The following MLLT1 variants were observed in gnomAD, a reference collection of about 807,000 sequenced individuals.
The protein encoded by MLLT1 is protein ENL.
Under a neutral mutation model 55.1 loss-of-function variants are expected in MLLT1, and 11 were observed. The observed-to-expected ratio is 0.20, with a 90% confidence interval of 0.13 to 0.33. The LOEUF is 0.33. MLLT1 is among the 10% of genes least tolerant of loss of function. The pLI, the probability that MLLT1 is intolerant of heterozygous loss-of-function variation, is 1.00. For synonymous variants in MLLT1, 323 were observed against 320.1 expected (o/e 1.01, Z -0.10); for missense variants, 536 against 760.6 (o/e 0.70, Z 3.47).
chr19:6,239,346 G>A (rs2091093445), intron 3 of MLLT1, among the ~76,000 whole-genome samples: 1 of 152,192 alleles, frequency 6.6e-6, no homozygotes, highest in Non-Finnish European at 1.5e-5. Flanking sequence ...ACGTACGAGG[G>A]GTCACCGAGG....
chr19:6,262,350 C>T lies in MLLT1; in HGVS notation c.194-40G>A. On this transcript the variant is annotated intron_variant, in intron 2 of 11. Transcript: ENST00000252674. This position sits in a 1 kb window ranked among gnomAD's most constrained non-coding sequence, Gnocchi z 4.4. ...AAGAAACACACCCATCAGCCTCCTG[C>T]CTGTTTCAGGCCCAGCTGCCAGCGG... 2.6e-6 allele frequency: 4 copies of T among 1,566,440 alleles called. No individual in the cohort carries two copies. Among genetic ancestry groups the T allele is most frequent in the Non-Finnish European group, 3.5e-6 (4 of 1,139,834 alleles).
At chr19:6,279,586 C>A (rs1232446386) in intron 1 of MLLT1, among the ~76,000 whole-genome samples, 187 bp downstream of exon 1, 4 of 151,442 alleles carry the variant, frequency 2.6e-5, no homozygotes, top group Non-Finnish European at 5.9e-5. Context: ...GTCCGAGGCG[C>A]CCTGGCCGGG....
chr19:6,255,054 C>A (rs2091247393), intron 3 of MLLT1, among the ~76,000 whole-genome samples: 1 of 150,428 alleles, frequency 6.6e-6, no homozygotes, highest in Non-Finnish European at 1.5e-5. Context: ...GATCAATACA[C>A]AAAAATTGTT....
intron 10 of MLLT1, 64 bp from the exon 11 acceptor site, chr19:6,213,472 C>T (rs2090802473): frequency 1.5e-6 from 2 of 1,351,712 alleles, no homozygotes; most frequent in Non-Finnish European, 2.1e-6. Flanking sequence ...CTCCCATGCC[C>T]AGCCCCACCC....
At chr19:6,236,404 G>A (rs954186521) in intron 3 of MLLT1, among the ~76,000 whole-genome samples, 14 of 152,154 alleles carry the variant, frequency 9.2e-5, no homozygotes, top group Non-Finnish European at 2.1e-4. Flanking sequence ...AGCGCACCCC[G>A]GCAGAGGTTC....
intron 2 of MLLT1, among the ~76,000 whole-genome samples, chr19:6,266,471 T>G (rs117833991): frequency 0.018 from 2,706 of 152,242 alleles, 38 homozygotes; most frequent in Middle Eastern, 0.051. Flanking sequence ...TTGTTTGTTT[T>G]TTTGAGACAG....
At chr19:6,233,327 C>T (rs10410687) in intron 3 of MLLT1, among the ~76,000 whole-genome samples, 10 of 152,354 alleles carry the variant, frequency 6.6e-5, no homozygotes, top group East Asian at 1.9e-4. Context: ...TCCAGAACCA[C>T]GAGTCCGGTC....
chr19:6,262,701 A>C lies in MLLT1; in HGVS notation c.194-391T>G, dbSNP rs2091315849. Among the ~76,000 whole-genome samples, 1 of 151,984 alleles carries C rather than the reference A, an allele frequency of 6.6e-6. No individual in the cohort carries two copies. The stretch of plus-strand genomic sequence containing the variant: ...GGGTGAGGTGTGAAACCCAGCAGGG[A>C]GGGCCACACACTCTACTGTCACCAC... On this transcript the variant is annotated intron_variant, in intron 2 of 11. Coordinates refer to ENST00000252674, the MANE Select transcript of MLLT1 (RefSeq NM_005934.4). This position sits in a 1 kb window ranked among gnomAD's most constrained non-coding sequence, Gnocchi z 4.4.
In MLLT1 at chr19:6,210,568, C is replaced by T. The variant is rs1001081643; in HGVS notation, c.*2474G>A. 6 of 220,806 alleles carry T rather than the reference C, an allele frequency of 2.7e-5. No individual in the cohort carries two copies. The highest frequency in any genetic ancestry group is 2.3e-4 in the Admixed American group (4 of 17,280). The allele number at this position is 220,806 out of a possible 1,614,324, so 13.7% of individuals were successfully genotyped here. Reference sequence around the variant, plus strand: ...GAGTGTCCTAGTTCCTAGTGAGACACGTTCTTTGTAAAAACCCTTATGGGC... The same window carrying T: ...GAGTGTCCTAGTTCCTAGTGAGACATGTTCTTTGTAAAAACCCTTATGGGC... On this transcript the variant is annotated 3_prime_UTR_variant, in exon 12 of 12. Coordinates refer to ENST00000252674, the MANE Select transcript of MLLT1 (RefSeq NM_005934.4). This position sits in a 1 kb window ranked among gnomAD's most constrained non-coding sequence, Gnocchi z 4.6.
In MLLT1 at chr19:6,212,825, G is replaced by T; in HGVS notation, c.*217C>A. 1 of 893,626 alleles carries T rather than the reference G, an allele frequency of 1.1e-6. No individual in the cohort carries two copies. The highest frequency in any genetic ancestry group is 1.6e-6 in the Non-Finnish European group (1 of 637,780). 55.4% of individuals were successfully genotyped at this position (893,626 alleles called of 1,614,324 possible). On this transcript the variant is annotated 3_prime_UTR_variant, in exon 12 of 12. Transcript: ENST00000252674. Reference sequence around the variant, plus strand: ...GGGAGCCCAGAGAGCCCGGGGGGCGGCTCCCGTGTGGCCCAGCCCGGCCCC... The same window carrying T: ...GGGAGCCCAGAGAGCCCGGGGGGCGTCTCCCGTGTGGCCCAGCCCGGCCCC...
chr19:6,247,799 T>C (rs746545000), intron 3 of MLLT1, among the ~76,000 whole-genome samples: 1 of 152,246 alleles, frequency 6.6e-6, no homozygotes, highest in Non-Finnish European at 1.5e-5. Flanking sequence ...AAATCTGCAA[T>C]TTAAAATGCT....
rs2090984057 is a variant in MLLT1 at position 6,229,359 on chromosome 19, A to G, written c.420+1211T>C. Among the ~76,000 whole-genome samples, 1 of 152,042 alleles carries G rather than the reference A, an allele frequency of 6.6e-6. No homozygotes were observed. Among genetic ancestry groups the G allele is most frequent in the African/African-American group, 2.4e-5 (1 of 41,380 alleles). On this transcript the variant is annotated intron_variant, in intron 4 of 11. Coordinates refer to ENST00000252674, the MANE Select transcript of MLLT1 (RefSeq NM_005934.4). The surrounding 1 kb of genome is among the most constrained non-coding windows in gnomAD (Gnocchi z 5.2). ...AGGACTCACTCAAGCTTCTACATGG[A>G]CAGACGCCTCCTTCTTCTTAGGAGA...
chr19:6,266,276 CAAAAAA>C lies in MLLT1; in HGVS notation c.194-3972_194-3967del, dbSNP rs35972478. Among the ~76,000 whole-genome samples the C allele has an allele frequency of 8.2e-5, 6 of 73,606 alleles. No homozygotes were observed. The South Asian group carries it at 1.4e-3, about 17-fold the overall frequency. The allele number at this position is 73,606 out of a possible 152,430, so 48.3% of individuals were successfully genotyped here. A position where few individuals can be genotyped will look rare whatever the true frequency, so the allele number is the denominator to read the frequency against. On this transcript the variant is annotated intron_variant, in intron 2 of 11. Transcript: ENST00000252674. ...GGGTGGCAGAATGAGATTCTGTCTCCAAAAAAAAAAAAAAAAAAAAAGTTTTGGATT... is the reference window on the plus strand; with the variant it reads ...GGGTGGCAGAATGAGATTCTGTCTCCAAAAAAAAAAAAAAAGTTTTGGATT...
intron 3 of MLLT1, among the ~76,000 whole-genome samples, chr19:6,257,648 A>G (rs1568292985): frequency 6.6e-6 from 1 of 152,098 alleles, no homozygotes; most frequent in Non-Finnish European, 1.5e-5. Context: ...TAAAAATACA[A>G]AAATTAGCTG....
chr19:6,216,576 C>T (rs534456380), intron 7 of MLLT1, 63 bp from the exon 8 acceptor site: 49 of 1,256,110 alleles, frequency 3.9e-5, no homozygotes, highest in Non-Finnish European at 5.4e-5. Context: ...CCTCCAGGGC[C>T]CCTCGCCCAT....
At chr19:6,274,881 C>T (rs543293194) in intron 1 of MLLT1, among the ~76,000 whole-genome samples, 14 of 152,328 alleles carry the variant, frequency 9.2e-5, no homozygotes, top group African/African-American at 3.4e-4. Context: ...TGGGACACTG[C>T]CCTCTCTCCA....
chr19:6,212,183 TA>T lies in MLLT1; in HGVS notation c.*858del, dbSNP rs1377451965. The T allele has an allele frequency of 9.4e-7, 1 of 1,065,830 alleles. No homozygotes were observed. The highest frequency in any genetic ancestry group is 1.1e-6 in the Non-Finnish European group (1 of 879,470). The allele number at this position is 1,065,830 out of a possible 1,614,324, so 66.0% of individuals were successfully genotyped here. ...CGGAGACTGTTGGCGCTAGTCTGAG[TA>T]GAGCCCGAGAGCAGACTGGTGGCTC... On this transcript the variant is annotated 3_prime_UTR_variant, in exon 12 of 12. Coordinates refer to ENST00000252674, the MANE Select transcript of MLLT1 (RefSeq NM_005934.4).
intron 3 of MLLT1, among the ~76,000 whole-genome samples, chr19:6,241,221 G>A (rs185126256): frequency 3.9e-5 from 6 of 152,126 alleles, no homozygotes; most frequent in Non-Finnish European, 5.9e-5. Flanking sequence ...TGAGGCCGCC[G>A]GAACCCACAG....
At chr19:6,242,225 CTACAGAGGGTGGCGGCTATGGAGGGCA>C (rs2091121078) in intron 3 of MLLT1, among the ~76,000 whole-genome samples, 2 of 152,194 alleles carry the variant, frequency 1.3e-5, no homozygotes, top group Non-Finnish European at 2.9e-5. Context: ...CATCTCCACT[CTACAGAGGGTGGCGGCTATGGAGGGCA>C]CCCCGGCTTG....
Sources: allele counts gnomAD v4.1 joint callset (sites outside exome capture counted in the v4.1 genomes callset), GRCh38; gene constraint gnomAD v4.1.1; non-coding constraint Gnocchi (gnomAD v3.1); transcripts MANE v1.5; gene names NCBI Gene and HGNC (gene_info 2026-07-23, HGNC 2026-07-21).